Variants in FLACC1 observed in about 807,000 individuals in gnomAD.
FLACC1 encodes the protein flagellum-associated coiled-coil domain-containing protein 1.
A neutral mutation model predicts 62.8 loss-of-function variants in FLACC1; 66 were observed. The observed-to-expected ratio is 1.05, with a 90% CI of 0.86 to 1.29. The LOEUF is 1.29. FLACC1 is among the 50% of genes most tolerant of loss of function. FLACC1 has a pLI of 0.00. For synonymous variants in FLACC1, 156 were observed against 161.0 expected, an observed-to-expected ratio of 0.97 and a Z score of 0.24; for missense variants, 452 against 489.1, an observed-to-expected ratio of 0.92 and a Z score of 0.71.
At chr2:201,334,055 C>A (rs544841700) in intron 7 of FLACC1, among the ~76,000 whole-genome samples, 1 of 152,292 alleles carries the variant, frequency 6.6e-6, no homozygotes, top group African/African-American at 2.4e-5. Context: ...CCTATTTCTC[C>A]ACAGCCTCTC....
chr2:201,333,156 A>G (rs1051471912), intron 7 of FLACC1, among the ~76,000 whole-genome samples: 2 of 152,178 alleles, frequency 1.3e-5, no homozygotes, highest in Non-Finnish European at 2.9e-5. Context: ...TGGCCATACT[A>G]ATTTACAATC....
At chr2:201,339,957 C>A (rs1950773307) in intron 7 of FLACC1, among the ~76,000 whole-genome samples, 3 of 152,192 alleles carry the variant, frequency 2.0e-5, no homozygotes, top group South Asian at 2.1e-4. Flanking sequence ...AGTGGGACAA[C>A]CCTCTAGCAC....
At chr2:201,294,177 C>T (rs1949804315) in intron 12 of FLACC1, among the ~76,000 whole-genome samples, 1 of 152,114 alleles carries the variant, frequency 6.6e-6, no homozygotes, top group South Asian at 2.1e-4. Context: ...TTTATGAGGC[C>T]AGCATCATCC....
intron 9 of FLACC1, among the ~76,000 whole-genome samples, chr2:201,317,987 A>G (rs1253578304): frequency 6.6e-6 from 1 of 152,098 alleles, no homozygotes; most frequent in Non-Finnish European, 1.5e-5. Flanking sequence ...CACAAATATA[A>G]AGTGGGGAAA....
chr2:201,299,393 A>G, intron 11 of FLACC1, 93 bp from the exon 12 acceptor site: 1 of 989,880 alleles, frequency 1.0e-6, no homozygotes. Context: ...CAGGAATATA[A>G]TATTCACCAA....
At chr2:201,320,381 G>A (rs529232383) in intron 9 of FLACC1, among the ~76,000 whole-genome samples, 19 of 152,384 alleles carry the variant, frequency 1.2e-4, no homozygotes, top group African/African-American at 4.6e-4. Flanking sequence ...TGGACAGGGA[G>A]GGGCTTGGCC....
At chr2:201,329,138 A>C (rs1339653640) in intron 9 of FLACC1, among the ~76,000 whole-genome samples, 1 of 152,192 alleles carries the variant, frequency 6.6e-6, no homozygotes, top group Non-Finnish European at 1.5e-5. Flanking sequence ...CATAAATAGA[A>C]TGTAATAGTG....
At chr2:201,319,186 G>A (rs1012893205) in intron 9 of FLACC1, among the ~76,000 whole-genome samples, 5 of 152,126 alleles carry the variant, frequency 3.3e-5, no homozygotes, top group Non-Finnish European at 7.4e-5. Flanking sequence ...GAACAGAATA[G>A]CAAACTCAGA....
intron 1 of FLACC1, among the ~76,000 whole-genome samples, chr2:201,352,530 G>A (rs557571508): frequency 1.3e-5 from 2 of 152,284 alleles, no homozygotes; most frequent in South Asian, 2.1e-4. Flanking sequence ...AGGGATGTCC[G>A]TACATGTTTG....
At chr2:201,330,591 A>C (rs1950573615) in intron 8 of FLACC1, 69 bp from the exon 9 acceptor site, 1 of 1,560,236 alleles carries the variant, frequency 6.4e-7, no homozygotes, top group East Asian at 2.2e-5. Context: ...TTCAAATGTG[A>C]GTTCTTCTGC....
chr2:201,333,068 A>C (rs1348091268), intron 7 of FLACC1, among the ~76,000 whole-genome samples: 3 of 152,134 alleles, frequency 2.0e-5, no homozygotes, highest in Non-Finnish European at 4.4e-5. Flanking sequence ...TTGGGTAAGC[A>C]CTCGGAAGTG....
At chr2:201,316,016 G>A (rs917067151) in intron 9 of FLACC1, among the ~76,000 whole-genome samples, 2 of 152,010 alleles carry the variant, frequency 1.3e-5, no homozygotes, top group Non-Finnish European at 2.9e-5. Context: ...TGACAACAGT[G>A]ACATAAAACC....
At position 201,326,979 on chromosome 2, in the gene FLACC1, T is replaced by C. The variant is rs1030229347; in HGVS notation, c.675+3491A>G. Among the ~76,000 whole-genome samples the C allele has an allele frequency of 2.0e-5, 3 of 152,114 alleles. No homozygotes were observed. The highest frequency in any genetic ancestry group is 7.2e-5 in the African/African-American group (3 of 41,424). On this transcript the variant is annotated intron_variant, in intron 9 of 14. Coordinates refer to ENST00000392257, the MANE Select transcript of FLACC1 (RefSeq NM_001127391.3). This position sits in a 1 kb window ranked among gnomAD's most constrained non-coding sequence, Gnocchi z 4.1. ...TGGTACTGGTATAAAAGTAGGCACA[T>C]AGGCCAAGGAAACAGAACAGAAAAC... is the stretch of plus-strand genomic sequence containing the variant.
intron 9 of FLACC1, among the ~76,000 whole-genome samples, chr2:201,311,023 C>G (rs543939464): frequency 1.3e-5 from 2 of 151,974 alleles, no homozygotes; most frequent in South Asian, 4.2e-4. Flanking sequence ...TGTATGCATA[C>G]AAACAAGAAA....
intron 9 of FLACC1, among the ~76,000 whole-genome samples, chr2:201,322,207 T>G (rs1950416840): frequency 6.6e-6 from 1 of 150,616 alleles, no homozygotes; most frequent in South Asian, 2.1e-4. Context: ...AGGCGGAGAT[T>G]GCAGTGAGAT....
intron 4 of FLACC1, 171 bp downstream of exon 4, chr2:201,348,083 G>A (rs755554734): frequency 1.1e-4 from 59 of 556,614 alleles, no homozygotes; most frequent in Non-Finnish European, 4.6e-5. Flanking sequence ...AGTTCAAGTC[G>A]TGGTTCTTCC....
chr2:201,340,835 A>G (rs1423582500), intron 7 of FLACC1, among the ~76,000 whole-genome samples: 1 of 152,170 alleles, frequency 6.6e-6, no homozygotes, highest in Non-Finnish European at 1.5e-5. Context: ...TGTTTGGGAA[A>G]GTTTCTATTT....
intron 11 of FLACC1, among the ~76,000 whole-genome samples, chr2:201,299,828 C>T (rs555476714): frequency 8.1e-4 from 123 of 152,248 alleles, no homozygotes; most frequent in African/African-American, 2.5e-3. Context: ...TCAAACAGAA[C>T]GGAGAGTCCT....
intron 9 of FLACC1, among the ~76,000 whole-genome samples, chr2:201,313,525 C>G (rs1950254783): frequency 6.6e-6 from 1 of 152,100 alleles, no homozygotes; most frequent in South Asian, 2.1e-4. Context: ...ACCTGGGAAC[C>G]ACACCTCCAT....
Sources: gnomAD v4.1 joint callset for allele counts (sites outside exome capture counted in the v4.1 genomes callset) on GRCh38, gnomAD v4.1.1 for gene constraint, Gnocchi (gnomAD v3.1) non-coding constraint, MANE v1.5 for transcripts, NCBI Gene and HGNC (gene_info 2026-07-23, HGNC 2026-07-21) for gene names.